Variants in DACH1 observed in about 807,000 individuals in gnomAD.
DACH1 encodes the protein dachshund homolog 1.
DACH1 carries 12 observed loss-of-function variants against 54.2 expected under a neutral mutation model. The ratio of observed to expected loss-of-function variants is 0.22; its 90% CI spans 0.14 to 0.36. The LOEUF is 0.36. Among genes scored for constraint, DACH1 ranks in the 10% least tolerant of loss-of-function variants. DACH1 has a pLI of 1.00. For missense variants in DACH1, 805 were observed against 929.8 expected (o/e 0.87, Z 1.75); for synonymous variants, 386 against 366.2 (o/e 1.05, Z -0.62).
intron 8 of DACH1, among the ~76,000 whole-genome samples, chr13:71,477,308 A>C (rs777096389): frequency 5.3e-5 from 8 of 150,848 alleles, no homozygotes; most frequent in Non-Finnish European, 7.4e-5. Flanking sequence ...TTTTTAGTAG[A>C]GGCGCGGTTT....
At chr13:71,569,474 A>AT (rs1483545722) in intron 4 of DACH1, among the ~76,000 whole-genome samples, 4 of 151,878 alleles carry the variant, frequency 2.6e-5, no homozygotes, top group East Asian at 1.9e-4. Flanking sequence ...TTTTCTTTTT[A>AT]TTTTTTTCCA....
chr13:71,805,866 G>A (rs140287803), intron 1 of DACH1, among the ~76,000 whole-genome samples: 106 of 152,090 alleles, frequency 7.0e-4, no homozygotes, highest in Middle Eastern at 3.4e-3. Flanking sequence ...TGCAGTGAGT[G>A]GCATGATCTC....
chr13:71,681,997 T>C lies in DACH1; in HGVS notation c.849-87A>G. 3 of 703,710 alleles carry C rather than the reference T, an allele frequency of 4.3e-6. No individual in the cohort carries two copies. In the East Asian group the frequency reaches 8.6e-5, roughly 20 times the overall value. The allele number at this position is 703,710 out of a possible 1,614,324, so 43.6% of individuals were successfully genotyped here. The stretch of plus-strand genomic sequence containing the variant: ...TTGTTTCAAGTGGTAACATGGACTG[T>C]AAATAAATTTGTTTCAAGGACGGTT... On this transcript the variant is annotated intron_variant, in intron 1 of 10. Coordinates refer to ENST00000613252, the MANE Select transcript of DACH1 (RefSeq NM_080759.6).
intron 10 of DACH1, among the ~76,000 whole-genome samples, chr13:71,451,348 T>C (rs1875037638): frequency 6.6e-6 from 1 of 152,152 alleles, no homozygotes; most frequent in African/African-American, 2.4e-5. Context: ...AGACTGGCTA[T>C]AAATCTCCTT....
chr13:71,766,900 A>G (rs1434639237), intron 1 of DACH1, among the ~76,000 whole-genome samples: 1 of 151,926 alleles, frequency 6.6e-6, no homozygotes, highest in Admixed American at 6.6e-5. Flanking sequence ...CCAAAGTTTT[A>G]AACTCATTAG....
chr13:71,607,960 T>C (rs190684583), intron 3 of DACH1, among the ~76,000 whole-genome samples: 2 of 151,990 alleles, frequency 1.3e-5, no homozygotes, highest in Non-Finnish European at 1.5e-5. Flanking sequence ...TTAAGTGATA[T>C]GTATTAATTC....
intron 6 of DACH1, among the ~76,000 whole-genome samples, chr13:71,555,511 T>G (rs1884186921): frequency 6.6e-6 from 1 of 151,784 alleles, no homozygotes; most frequent in South Asian, 2.1e-4. Context: ...GCCCATCTAA[T>G]TTTTGTATTT....
At chr13:71,630,054 G>C (rs1309868009) in intron 3 of DACH1, among the ~76,000 whole-genome samples, 6 of 152,034 alleles carry the variant, frequency 3.9e-5, no homozygotes, top group Admixed American at 2.6e-4. Flanking sequence ...TAAAAGGAGA[G>C]ACCTTGGTAA....
intron 1 of DACH1, among the ~76,000 whole-genome samples, chr13:71,780,747 A>G (rs1373922198): frequency 6.6e-6 from 1 of 152,008 alleles, no homozygotes; most frequent in Non-Finnish European, 1.5e-5. Flanking sequence ...AAAATGTGCT[A>G]TAAAAGTGAA....
chr13:71,724,667 A>G (rs1883391414), intron 1 of DACH1, among the ~76,000 whole-genome samples: 1 of 152,158 alleles, frequency 6.6e-6, no homozygotes, highest in Non-Finnish European at 1.5e-5. Context: ...AAATACATAG[A>G]AAATGTATGT....
At chr13:71,535,950 G>A (rs765790122) in intron 6 of DACH1, among the ~76,000 whole-genome samples, 49 of 151,958 alleles carry the variant, frequency 3.2e-4, no homozygotes, top group Admixed American at 7.2e-4. Context: ...CAAACTTGAC[G>A]TAGAAATTGG....
chr13:71,816,131 T>G (rs1887913697), intron 1 of DACH1, among the ~76,000 whole-genome samples: 1 of 152,096 alleles, frequency 6.6e-6, no homozygotes, highest in Admixed American at 6.6e-5. Flanking sequence ...TAACCAAAAC[T>G]AAGATTGTCT....
intron 6 of DACH1, among the ~76,000 whole-genome samples, chr13:71,511,661 A>T (rs575745121): frequency 1.3e-5 from 2 of 152,112 alleles, no homozygotes; most frequent in African/African-American, 4.8e-5. Flanking sequence ...TATTCCTTTT[A>T]AAAAAATAAA....
intron 3 of DACH1, among the ~76,000 whole-genome samples, chr13:71,585,449 G>A (rs1406243979): frequency 1.3e-5 from 2 of 152,172 alleles, no homozygotes; most frequent in African/African-American, 4.8e-5. Flanking sequence ...AGGTCGCACA[G>A]CCTTTTGGAA....
chr13:71,706,916 C>T (rs867890402), intron 1 of DACH1, among the ~76,000 whole-genome samples: 12 of 152,032 alleles, frequency 7.9e-5, no homozygotes, highest in Middle Eastern at 3.2e-3. Flanking sequence ...TTTTAAAGAC[C>T]GTATTGATAA....
At position 71,712,183 on chromosome 13, in the gene DACH1, T is replaced by C. The variant is rs1448707681; in HGVS notation, c.849-30273A>G. On this transcript the variant is annotated intron_variant, in intron 1 of 10. Transcript: ENST00000613252. ...ATGTCTTTACTGAAGAAATATCTAATGTAGATTTCTTTTAATTCATTTGAA... is the reference window on the plus strand; with the variant it reads ...ATGTCTTTACTGAAGAAATATCTAACGTAGATTTCTTTTAATTCATTTGAA... Among the ~76,000 whole-genome samples, 8 of 152,144 alleles carry C rather than the reference T, an allele frequency of 5.3e-5. No homozygotes were observed. In the East Asian group the frequency reaches 5.8e-4, roughly 11 times the overall value.
chr13:71,582,124 C>T (rs970263256), intron 3 of DACH1, among the ~76,000 whole-genome samples: 2 of 152,026 alleles, frequency 1.3e-5, no homozygotes, highest in Non-Finnish European at 2.9e-5. Context: ...TACTATAAAC[C>T]ATAGAATAAG....
intron 1 of DACH1, among the ~76,000 whole-genome samples, chr13:71,706,284 CAT>C (rs1456632330): frequency 4.0e-5 from 6 of 151,372 alleles, no homozygotes; most frequent in Non-Finnish European, 7.4e-5. Context: ...TTAATTAAAA[CAT>C]ATTATTAGCC....
Position 71,866,584 on chromosome 13 carries a change from C to G in DACH1, c.186G>C (p.Ser62=). The change falls in exon 1 of 11, where the codon TCG becomes TCC. Residue 62 remains serine, a synonymous_variant. Transcript: ENST00000613252. ...PTLFRPEPIA[S]AAAAAATVTS... ...TGACTGTGGCCGCCGCCGCCGCCGC[C>G]GAAGCGATGGGCTCCGGGCGGAACA... 1 of 1,292,298 alleles carries G rather than the reference C, an allele frequency of 7.7e-7. No homozygotes were observed. Among genetic ancestry groups the G allele is most frequent in the African/African-American group, 1.5e-5 (1 of 66,004 alleles). 80.1% of individuals were successfully genotyped at this position (1,292,298 alleles called of 1,614,324 possible).
Sources: gnomAD v4.1 joint callset for allele counts (sites outside exome capture counted in the v4.1 genomes callset) on GRCh38, gnomAD v4.1.1 for gene constraint, MANE v1.5 for transcripts, NCBI Gene and HGNC (gene_info 2026-07-23, HGNC 2026-07-21) for gene names.